POM121C: variants seen among roughly 807,000 people sequenced by gnomAD.
POM121C encodes nuclear envelope pore membrane protein POM 121C.
In POM121C, 20 loss-of-function variants were observed where a neutral mutation model predicts 66.4. The observed-to-expected ratio is 0.30, with a 90% confidence interval of 0.21 to 0.44. The LOEUF (loss-of-function observed/expected upper bound fraction) is 0.44. Among genes scored for constraint, POM121C ranks in the 20% least tolerant of loss-of-function variants. The pLI is 1.00. For missense variants in POM121C, 580 were observed against 1,225.7 expected (o/e 0.47, Z 7.87); for synonymous variants, 286 against 528.0 (o/e 0.54, Z 6.28).
chr7:75,456,782 A>T (rs1791232633), intron 3 of POM121C, among the ~76,000 whole-genome samples: 1 of 152,260 alleles, frequency 6.6e-6, no homozygotes, highest in Admixed American at 6.5e-5. Flanking sequence ...TGTTGTTTCC[A>T]GTTCCATAGG....
At chr7:75,431,169 T>C (rs1790161656) in intron 7 of POM121C, among the ~76,000 whole-genome samples, 1 of 151,868 alleles carries the variant, frequency 6.6e-6, no homozygotes, top group African/African-American at 2.4e-5. Context: ...CAGTTGGTAT[T>C]TCAGTAATCA....
intron 3 of POM121C, among the ~76,000 whole-genome samples, chr7:75,466,927 C>T (rs1312002377): frequency 1.3e-5 from 2 of 152,202 alleles, no homozygotes; most frequent in Non-Finnish European, 2.9e-5. Flanking sequence ...TCAAATGACT[C>T]ACTCAAAATG....
chr7:75,429,555 C>T (rs782535268), intron 7 of POM121C, among the ~76,000 whole-genome samples: 6 of 152,026 alleles, frequency 3.9e-5, no homozygotes, highest in Admixed American at 6.6e-5. Flanking sequence ...CACTTGAACC[C>T]GGGAGGTGGA....
intron 3 of POM121C, among the ~76,000 whole-genome samples, chr7:75,463,398 CA>C (rs1410959264): frequency 6.6e-6 from 1 of 151,234 alleles, no homozygotes; most frequent in Non-Finnish European, 1.5e-5. Context: ...AGGACTGCTC[CA>C]GTGCCCCAGC....
intron 10 of POM121C, 107 bp downstream of exon 10, chr7:75,424,967 A>T (rs1275118926): frequency 6.5e-7 from 1 of 1,538,674 alleles, no homozygotes; most frequent in Non-Finnish European, 8.7e-7. Context: ...CAAAAAACAA[A>T]AACAAAAATA....
intron 3 of POM121C, among the ~76,000 whole-genome samples, chr7:75,468,556 T>C (rs1375209845): frequency 7.2e-5 from 11 of 152,268 alleles, no homozygotes; most frequent in African/African-American, 2.6e-4. Flanking sequence ...CAACCTCAGG[T>C]GATCCACCCA....
rs1286510935 is a variant in POM121C, at chr7:75,485,997, C to T, written c.-591G>A. Reference sequence around the variant, plus strand: ...AAGGCTGTTCTGCTCCCGAGGGGCCCGGGCCGGGCCTACGGGGCAAATCCA... The same window carrying T: ...AAGGCTGTTCTGCTCCCGAGGGGCCTGGGCCGGGCCTACGGGGCAAATCCA... On this transcript the variant is annotated 5_prime_UTR_variant, in exon 1 of 15. Coordinates refer to ENST00000615331, the MANE Select transcript of POM121C (RefSeq NM_001099415.3). 1.2e-4 allele frequency: 56 copies of T among 486,206 alleles called. No individual in the cohort carries two copies. The highest frequency in any genetic ancestry group is 1.9e-4 in the Non-Finnish European group (48 of 246,224). 30.1% of individuals were successfully genotyped at this position (486,206 alleles called of 1,614,324 possible). A position where few individuals can be genotyped will look rare whatever the true frequency, so the allele number is the denominator to read the frequency against.
intron 3 of POM121C, among the ~76,000 whole-genome samples, chr7:75,460,437 G>A (rs1198986718): frequency 1.3e-5 from 2 of 151,946 alleles, no homozygotes; most frequent in African/African-American, 4.8e-5. Flanking sequence ...AGGAGGTCAA[G>A]GCTGCAGTGG....
At chr7:75,462,177 C>T (rs1161180470) in intron 3 of POM121C, among the ~76,000 whole-genome samples, 6 of 148,890 alleles carry the variant, frequency 4.0e-5, no homozygotes, top group Middle Eastern at 3.5e-3. Context: ...GCGGTTTGCC[C>T]TATGCTGTTC....
At chr7:75,479,210 G>C (rs2923683) in intron 1 of POM121C, among the ~76,000 whole-genome samples, 54 of 152,234 alleles carry the variant, frequency 3.5e-4, no homozygotes, top group Admixed American at 1.1e-3. Flanking sequence ...GTTACAGAAA[G>C]TCCTTCAGGC....
At chr7:75,481,766 C>T (rs1187391199) in intron 1 of POM121C, among the ~76,000 whole-genome samples, 1 of 152,076 alleles carries the variant, frequency 6.6e-6, no homozygotes, top group Non-Finnish European at 1.5e-5. Flanking sequence ...TTTGAGGCTG[C>T]AGTGAGCCAT....
At chr7:75,468,865 T>C (rs1554478238) in intron 3 of POM121C, among the ~76,000 whole-genome samples, 1 of 152,140 alleles carries the variant, frequency 6.6e-6, no homozygotes, top group Non-Finnish European at 1.5e-5. Flanking sequence ...GTCTATTTAT[T>C]TTTAAAACAT....
At chr7:75,421,376 T>C (rs1381225867) in intron 13 of POM121C, 133 bp downstream of exon 13, 314 of 1,497,166 alleles carry the variant, frequency 2.1e-4, no homozygotes, top group Non-Finnish European at 2.7e-4. Flanking sequence ...TATCATGCCC[T>C]GGCATCTCAC....
intron 7 of POM121C, among the ~76,000 whole-genome samples, chr7:75,436,415 G>C (rs1322145226): frequency 6.6e-6 from 1 of 152,176 alleles, no homozygotes; most frequent in Admixed American, 6.5e-5. Context: ...AGCCAGTTTG[G>C]CTCCCATAGT....
At chr7:75,483,867 G>A (rs1792405227) in intron 1 of POM121C, among the ~76,000 whole-genome samples, 1 of 152,098 alleles carries the variant, frequency 6.6e-6, no homozygotes, top group Non-Finnish European at 1.5e-5. Flanking sequence ...TTGGGAGGCT[G>A]AGGCGGGAGG....
intron 3 of POM121C, among the ~76,000 whole-genome samples, chr7:75,461,139 A>T (rs2443471): frequency 3.3e-5 from 5 of 152,124 alleles, no homozygotes; most frequent in African/African-American, 4.8e-5. Flanking sequence ...ATCCCAGGTG[A>T]CTGAGAGAAT....
chr7:75,477,223 G>C (rs1584717558), intron 1 of POM121C, among the ~76,000 whole-genome samples: 1 of 151,178 alleles, frequency 6.6e-6, no homozygotes, highest in Admixed American at 6.6e-5. Context: ...CAAGAACAAG[G>C]TATTAATAAA....
At chr7:75,431,823 A>T (rs1274227496) in intron 7 of POM121C, among the ~76,000 whole-genome samples, 1 of 151,868 alleles carries the variant, frequency 6.6e-6, no homozygotes, top group Non-Finnish European at 1.5e-5. Context: ...GTGGTGGTGC[A>T]TGCCTGTAAT....
intron 7 of POM121C, among the ~76,000 whole-genome samples, chr7:75,433,809 T>C (rs1790286713): frequency 6.6e-6 from 1 of 152,326 alleles, no homozygotes; most frequent in Non-Finnish European, 1.5e-5. Flanking sequence ...CTTACACCAA[T>C]ACTGTAAGTT....
Sources: gnomAD v4.1 joint callset for allele counts (sites outside exome capture counted in the v4.1 genomes callset) on GRCh38, gnomAD v4.1.1 for gene constraint, MANE v1.5 for transcripts, NCBI Gene and HGNC (gene_info 2026-07-23, HGNC 2026-07-21) for gene names.